TRIML1: variants seen among roughly 807,000 people sequenced by gnomAD.
The protein encoded by TRIML1 is tripartite motif family like 1.
A neutral mutation model predicts 32.3 loss-of-function variants in TRIML1; 34 were observed. The ratio of observed to expected loss-of-function variants is 1.05; its 90% CI spans 0.80 to 1.40. The LOEUF is 1.40. TRIML1 is among the 40% of genes most tolerant of loss of function. The probability of loss-of-function intolerance (pLI) is 0.00; values close to 1 mark genes in which losing one functional copy is unlikely to be tolerated. For synonymous variants in TRIML1, 244 were observed against 226.6 expected (o/e 1.08, Z -0.69); for missense variants, 595 against 574.9 (o/e 1.03, Z -0.36).
Position 188,147,571 on chromosome 4 carries a change from G to C in TRIML1, c.*199G>C. 1 of 409,950 alleles carries C rather than the reference G, an allele frequency of 2.4e-6. No individual in the cohort carries two copies. Among genetic ancestry groups the C allele is most frequent in the Non-Finnish European group, 4.2e-6 (1 of 235,532 alleles). The allele number at this position is 409,950 out of a possible 1,614,324, so 25.4% of individuals were successfully genotyped here. A position where few individuals can be genotyped will look rare whatever the true frequency, so the allele number is the denominator to read the frequency against. ...ACAATCAACTTCAACCCCAATAGAA[G>C]AGAGCTGATCATATTCTGTGTCTTT... On this transcript the variant is annotated 3_prime_UTR_variant, in exon 6 of 6. Coordinates refer to ENST00000332517, the MANE Select transcript of TRIML1 (RefSeq NM_178556.5).
chr4:188,139,965 G>A lies in TRIML1; in HGVS notation c.407G>A (p.Arg136Lys), dbSNP rs1193579828. 1.3e-6 allele frequency: 2 copies of A among 1,598,434 alleles called. No homozygotes were observed. The highest frequency in any genetic ancestry group is 1.3e-5 in the African/African-American group (1 of 74,814). Residue 136 changes from arginine to lysine, a missense_variant and splice_region_variant, in exon 1 of 6, where the codon AGA becomes AAA. Transcript: ENST00000332517. ...TCCAGCGAGGCTGAGGAGCATCACA[G>A]AGTAAGACAGCTGCTCAGCATGAAC... ...HLSSEAEEHH[R>K]EKLQEILNLL...
downstream of TRIML1, among the ~76,000 whole-genome samples, chr4:188,150,708 A>G (rs1417646875): frequency 2.0e-5 from 3 of 151,664 alleles, no homozygotes; most frequent in Non-Finnish European, 4.4e-5. Flanking sequence ...TCCTTTGGCA[A>G]AATCATCCCC....
chr4:188,150,760 C>A (rs928768474), downstream of TRIML1, among the ~76,000 whole-genome samples: 2 of 151,340 alleles, frequency 1.3e-5, no homozygotes, highest in Admixed American at 1.3e-4. Flanking sequence ...GGGCCTGCCA[C>A]TGATGAGGTG....
chr4:188,146,674 C>A, intron 5 of TRIML1, 148 bp from the exon 6 acceptor site: 1 of 552,532 alleles, frequency 1.8e-6, no homozygotes, highest in Non-Finnish European at 2.9e-6. Flanking sequence ...TCCCAAAGTG[C>A]TGCATTACAG....
intron 5 of TRIML1, 25 bp downstream of exon 5, chr4:188,144,158 C>T (rs775604324): frequency 1.3e-6 from 2 of 1,593,788 alleles, no homozygotes; most frequent in African/African-American, 2.7e-5. Flanking sequence ...TTTGTTACCC[C>T]TCCGGGGCTC....
chr4:188,139,773 G>C lies in TRIML1; in HGVS notation c.215G>C (p.Gly72Ala), dbSNP rs773605789. Residue 72 changes from glycine (G) to alanine (A), a missense_variant, in exon 1 of 6, where the codon GGG (glycine) becomes GCG (alanine). Transcript: ENST00000332517. The stretch of plus-strand genomic sequence containing the variant: ...CATTTCCAGTCAAACGAGCGTCTGG[G>C]GAGGCTGGCCAGCATCGCCAGGCAG... The part of the protein sequence containing the change: ...GPHFQSNERL[G>A]RLASIARQLR... 30 of 1,613,882 alleles carry C rather than the reference G, an allele frequency of 1.9e-5. No individual in the cohort carries two copies. The South Asian group carries it at 2.9e-4, about 15-fold the overall frequency.
At chr4:188,149,442 A>C (rs144325026), downstream of TRIML1, among the ~76,000 whole-genome samples, 28 of 152,284 alleles carry the variant, frequency 1.8e-4, no homozygotes, top group African/African-American at 6.3e-4. Context: ...CTCGGTTGGA[A>C]AGAAATTAAT....
At chr4:188,144,807 A>G (rs541897748) in intron 5 of TRIML1, among the ~76,000 whole-genome samples, 3 of 152,098 alleles carry the variant, frequency 2.0e-5, no homozygotes, top group Non-Finnish European at 4.4e-5. Context: ...CTAAAATCCC[A>G]GTGAGGGTGC....
upstream of TRIML1, among the ~76,000 whole-genome samples, chr4:188,137,605 C>G (rs1426879366): frequency 1.3e-5 from 2 of 151,486 alleles, no homozygotes; most frequent in Non-Finnish European, 2.9e-5. Context: ...AGCCTCCTGA[C>G]TAGCTGGGAT....
At chr4:188,143,770 G>A (rs939068091) in intron 3 of TRIML1, 68 bp from the exon 4 acceptor site, 4 of 1,587,926 alleles carry the variant, frequency 2.5e-6, no homozygotes, top group Non-Finnish European at 3.5e-6. Context: ...AGGACTGTAT[G>A]CAAAATGAAT....
In TRIML1 at chr4:188,142,316, A is replaced by C; in HGVS notation, c.569A>C (p.Lys190Thr). ...TACATGAAAATGCACCAGTTCCTGA[A>C]GGAAGAGGAGCAGCTGCAACTCCAG... ...SEYMKMHQFL[K>T]EEEQLQLQLL... The change falls in exon 3 of 6, where the codon AAG becomes ACG. Residue 190 changes from lysine (K) to threonine (T), a missense_variant. Physicochemically the swap from Lys to Thr is moderately conservative, Grantham distance 78. Coordinates refer to ENST00000332517, the MANE Select transcript of TRIML1 (RefSeq NM_178556.5). 6 of 1,613,210 alleles carry C rather than the reference A, an allele frequency of 3.7e-6. No individual in the cohort carries two copies. Among genetic ancestry groups the C allele is most frequent in the Non-Finnish European group, 5.1e-6 (6 of 1,179,908 alleles).
chr4:188,139,092 CA>C (rs1734750376), upstream of TRIML1, among the ~76,000 whole-genome samples: 1 of 152,108 alleles, frequency 6.6e-6, no homozygotes, highest in Non-Finnish European at 1.5e-5. Flanking sequence ...GTGGAGTTCC[CA>C]AAAGATTTGG....
downstream of TRIML1, among the ~76,000 whole-genome samples, chr4:188,149,063 A>C (rs547280826): frequency 1.3e-5 from 2 of 149,970 alleles, no homozygotes; most frequent in East Asian, 3.9e-4. Context: ...AAAGGCGCCC[A>C]CCACCACGCC....
chr4:188,149,575 C>A (rs1400699390), downstream of TRIML1, among the ~76,000 whole-genome samples: 1 of 152,152 alleles, frequency 6.6e-6, no homozygotes, highest in African/African-American at 2.4e-5. Context: ...CCACTCTATA[C>A]GTTTCAATCT....
upstream of TRIML1, among the ~76,000 whole-genome samples, chr4:188,138,087 T>C (rs550538073): frequency 3.3e-5 from 5 of 152,216 alleles, no homozygotes; most frequent in East Asian, 9.7e-4. Flanking sequence ...TATTTTTTCA[T>C]AGCTTAAATT....
chr4:188,140,452 C>A, intron 1 of TRIML1, 76 bp from the exon 2 acceptor site: 1 of 1,167,672 alleles, frequency 8.6e-7, no homozygotes, highest in Non-Finnish European at 1.3e-6. Flanking sequence ...TAGGACTGCG[C>A]AGTTACTGGT....
At chr4:188,142,568 C>T in intron 3 of TRIML1, 86 bp downstream of exon 3, 1 of 1,104,294 alleles carries the variant, frequency 9.1e-7, no homozygotes, top group Non-Finnish European at 1.3e-6. Context: ...TTTCTTTATT[C>T]ATCTTAAAAA....
At chr4:188,143,602 C>T (rs1734944579) in intron 3 of TRIML1, 3 of 561,902 alleles carry the variant, frequency 5.3e-6, no homozygotes, top group Admixed American at 6.1e-5. Flanking sequence ...GGTGATGATA[C>T]GAGAAAAAGA....
At chr4:188,149,990 G>T (rs895550024), downstream of TRIML1, among the ~76,000 whole-genome samples, 7 of 151,700 alleles carry the variant, frequency 4.6e-5, no homozygotes, top group Admixed American at 4.6e-4. Flanking sequence ...TATTTTTATA[G>T]AGACAGGGTT....
Sources: gnomAD v4.1 joint callset for allele counts (sites outside exome capture counted in the v4.1 genomes callset) on GRCh38, gnomAD v4.1.1 for gene constraint, MANE v1.5 for transcripts, NCBI Gene and HGNC (gene_info 2026-07-23, HGNC 2026-07-21) for gene names.